The following SLC12A1 variants were observed in gnomAD, a reference collection of about 807,000 sequenced individuals.
SLC12A1 encodes solute carrier family 12 member 1.
SLC12A1 carries 89 observed loss-of-function variants against 130.4 expected under a neutral mutation model. That is an observed-to-expected ratio of 0.68 (90% CI 0.58 to 0.81). The LOEUF (loss-of-function observed/expected upper bound fraction) is 0.81, where lower values mean the gene tolerates loss of function less well. Ranked by LOEUF, SLC12A1 falls within the 40% of genes least tolerant of loss-of-function variation. The pLI is 0.00. For missense variants in SLC12A1, 1,310 were observed against 1,336.4 expected, an observed-to-expected ratio of 0.98 and a Z score of 0.31; for synonymous variants, 499 against 460.0, an observed-to-expected ratio of 1.08 and a Z score of -1.09.
intron 20 of SLC12A1, among the ~76,000 whole-genome samples, chr15:48,281,584 A>G (rs967675141): frequency 6.6e-6 from 1 of 152,224 alleles, no homozygotes; most frequent in African/African-American, 2.4e-5. Flanking sequence ...AATTGGGAGC[A>G]GAAGACTTGG....
chr15:48,282,737 G>C (rs1414640010), intron 20 of SLC12A1, among the ~76,000 whole-genome samples: 2 of 152,078 alleles, frequency 1.3e-5, no homozygotes, highest in Non-Finnish European at 2.9e-5. Context: ...ATGTTGGATG[G>C]GCCATCATTT....
Position 48,303,534 on chromosome 15 carries a change from T to C in SLC12A1, c.*649T>C, listed in dbSNP as rs187420130. ...TTAAAGTGATCTGAGCAATCATTGA[T>C]AACATATGGCTTAAATTTGCTGCTG... On this transcript the variant is annotated 3_prime_UTR_variant, in exon 27 of 27. Transcript: ENST00000380993. The C allele has an allele frequency of 1.2e-4, 18 of 152,376 alleles. No individual in the cohort carries two copies. The highest frequency in any genetic ancestry group is 4.1e-4 in the African/African-American group (17 of 41,596). 9.4% of individuals were successfully genotyped at this position (152,376 alleles called of 1,614,324 possible).
rs865831704 is a variant in SLC12A1 at position 48,232,763 on chromosome 15, A to G, written c.1012A>G (p.Ile338Val). ...VILLVILLIA[I>V]ANFFIGTVIP... ...TCTTCTGGTCATTCTTCTAATTGCTATTGCAAACTTCTTCATTGGAACTGT... is the reference window on the plus strand; with the variant it reads ...TCTTCTGGTCATTCTTCTAATTGCTGTTGCAAACTTCTTCATTGGAACTGT... Residue 338 changes from isoleucine to valine, a missense_variant, in exon 8 of 27, where the codon ATT becomes GTT. Coordinates refer to ENST00000380993, the MANE Select transcript of SLC12A1 (RefSeq NM_000338.3). The G allele has an allele frequency of 9.3e-6, 15 of 1,612,956 alleles. No individual in the cohort carries two copies. The African/African-American group carries it at 1.2e-4, about 13-fold the overall frequency.
At chr15:48,284,983 T>A (rs1464119382) in intron 20 of SLC12A1, 123 bp from the exon 21 acceptor site, 16 of 660,316 alleles carry the variant, frequency 2.4e-5, no homozygotes, top group Non-Finnish European at 3.7e-5. Flanking sequence ...TTAGAAAAAA[T>A]TACTATGTAT....
chr15:48,265,184 T>C (rs1416364487), intron 17 of SLC12A1, among the ~76,000 whole-genome samples: 2 of 152,238 alleles, frequency 1.3e-5, no homozygotes, highest in East Asian at 3.8e-4. Flanking sequence ...GATGTTATAA[T>C]CGTTTTTAGC....
chr15:48,302,829 C>T lies in SLC12A1; in HGVS notation c.3244C>T (p.Pro1082Ser), dbSNP rs1340839091. The T allele has an allele frequency of 6.2e-7, 1 of 1,612,742 alleles. No individual in the cohort carries two copies. The change falls in exon 27 of 27, where the codon CCA becomes TCA. Residue 1082 changes from proline (P) to serine (S), a missense_variant. Transcript: ENST00000380993. ...GTTGGAAATCCTCACAAAGAACCTC[C>T]CACCTGTCTTACTAGTTAGAGGAAA... is the stretch of plus-strand genomic sequence containing the variant. ...AWLEILTKNLPPVLLVRGNHK... is the reference protein window; with the variant it reads ...AWLEILTKNLSPVLLVRGNHK...
At chr15:48,244,004 A>G (rs892797615) in intron 10 of SLC12A1, among the ~76,000 whole-genome samples, 1 of 152,260 alleles carries the variant, frequency 6.6e-6, no homozygotes, top group African/African-American at 2.4e-5. Context: ...TAAAATATAT[A>G]TCAAGAGTCT....
chr15:48,240,054 T>TATATATATATATATATCC (rs1567316967), intron 9 of SLC12A1, among the ~76,000 whole-genome samples: 1 of 80,828 alleles, frequency 1.2e-5, no homozygotes, highest in African/African-American at 5.8e-5. Context: ...TATATCCATA[T>TATATATATATATATATCC]ATATATATAT....
intron 20 of SLC12A1, among the ~76,000 whole-genome samples, chr15:48,275,427 C>T (rs2041942163): frequency 6.6e-6 from 1 of 152,094 alleles, no homozygotes; most frequent in Admixed American, 6.6e-5. Flanking sequence ...CCTCAAGAGA[C>T]ACACAACCTA....
At chr15:48,229,628 T>C (rs112011781) in intron 6 of SLC12A1, among the ~76,000 whole-genome samples, 4 of 152,322 alleles carry the variant, frequency 2.6e-5, no homozygotes, top group African/African-American at 9.6e-5. Context: ...AATGAAATAA[T>C]GTACACAAAA....
intron 8 of SLC12A1, 88 bp from the exon 9 acceptor site, chr15:48,234,789 A>T: frequency 7.8e-7 from 1 of 1,289,680 alleles, no homozygotes; most frequent in East Asian, 2.3e-5. Context: ...ATGTATTTTC[A>T]TTTAGGACTA....
chr15:48,295,555 G>A (rs1441061953), intron 24 of SLC12A1, among the ~76,000 whole-genome samples: 1 of 152,024 alleles, frequency 6.6e-6, no homozygotes, highest in Admixed American at 6.6e-5. Flanking sequence ...CTCTTCTGAT[G>A]TCCACCATGT....
chr15:48,237,191 G>A (rs2041449479), intron 9 of SLC12A1: 2 of 594,936 alleles, frequency 3.4e-6, no homozygotes, highest in Middle Eastern at 3.3e-4. Flanking sequence ...GGGATGAACA[G>A]GAGTTTGCCG....
chr15:48,271,724 C>T (rs2041900991), intron 19 of SLC12A1, among the ~76,000 whole-genome samples: 2 of 152,156 alleles, frequency 1.3e-5, no homozygotes, highest in Non-Finnish European at 2.9e-5. Context: ...TGTCATCTGG[C>T]TCCTGCTGGT....
intron 9 of SLC12A1, 131 bp from the exon 10 acceptor site, chr15:48,241,384 T>C (rs769606658): frequency 1.4e-6 from 1 of 730,042 alleles, no homozygotes; most frequent in Non-Finnish European, 2.5e-6. Context: ...ACTTGCTGTT[T>C]GCTTGATCTT....
At position 48,259,193 on chromosome 15, in the gene SLC12A1, C is replaced by G. The variant is rs777963025; in HGVS notation, c.2043-7C>G. 1.3e-6 allele frequency: 2 copies of G among 1,578,704 alleles called. No homozygotes were observed. Among genetic ancestry groups the G allele is most frequent in the Non-Finnish European group, 1.7e-6 (2 of 1,148,310 alleles). ...GGCTCATTTTCACATCTTTTTTTTA[C>G]TTCCAGGCCCCAGTGCATTGTCTTA... On this transcript the variant is annotated splice_polypyrimidine_tract_variant and splice_region_variant and intron_variant, in intron 16 of 26. Coordinates refer to ENST00000380993, the MANE Select transcript of SLC12A1 (RefSeq NM_000338.3).
intron 21 of SLC12A1, among the ~76,000 whole-genome samples, chr15:48,286,320 C>G (rs1418642559): frequency 6.6e-6 from 1 of 152,164 alleles, no homozygotes; most frequent in East Asian, 1.9e-4. Flanking sequence ...GGGCCGTGGC[C>G]TACTCCTTAC....
chr15:48,235,197 CAA>C, intron 9 of SLC12A1, 193 bp downstream of exon 9: 2 of 671,790 alleles, frequency 3.0e-6, no homozygotes, highest in Non-Finnish European at 5.3e-6. Context: ...ATAATTCTTC[CAA>C]AAGTCTTATT....
chr15:48,278,599 T>C (rs1324928708), intron 20 of SLC12A1, among the ~76,000 whole-genome samples: 1 of 152,208 alleles, frequency 6.6e-6, no homozygotes, highest in Non-Finnish European at 1.5e-5. Flanking sequence ...TATGGTAACA[T>C]AGACCTGACT....
Sources: gnomAD v4.1 joint callset for allele counts (sites outside exome capture counted in the v4.1 genomes callset) on GRCh38, gnomAD v4.1.1 for gene constraint, MANE v1.5 for transcripts, NCBI Gene and HGNC (gene_info 2026-07-23, HGNC 2026-07-21) for gene names.